The following PCDH15 variants were observed in gnomAD, a reference collection of about 807,000 sequenced individuals.
The protein encoded by PCDH15 is protocadherin-15.
Under a neutral mutation model 178.5 loss-of-function variants are expected in PCDH15, and 129 were observed. The ratio of observed to expected loss-of-function variants is 0.72; its 90% CI spans 0.63 to 0.84. The LOEUF is 0.84. Among genes scored for constraint, PCDH15 ranks in the 40% least tolerant of loss-of-function variants. The pLI, the probability that PCDH15 is intolerant of heterozygous loss-of-function variation, is 0.00. For synonymous variants in PCDH15, 800 were observed against 732.0 expected, an observed-to-expected ratio of 1.09 and a Z score of -1.50; for missense variants, 2,230 against 2,099.9, an observed-to-expected ratio of 1.06 and a Z score of -1.21.
At chr10:55,206,963 G>A (rs924186106) in intron 1 of PCDH15, among the ~76,000 whole-genome samples, 5 of 151,782 alleles carry the variant, frequency 3.3e-5, no homozygotes, top group Non-Finnish European at 5.9e-5. Flanking sequence ...AGAGTTAGTC[G>A]GGTTCAGATC....
chr10:54,122,008 C>CAG (rs1194449683), intron 15 of PCDH15, among the ~76,000 whole-genome samples: 2 of 149,744 alleles, frequency 1.3e-5, no homozygotes, highest in Admixed American at 6.6e-5. Context: ...CACATACACA[C>CAG]ACACACACAC....
chr10:55,182,691 G>T (rs929990352), intron 1 of PCDH15, among the ~76,000 whole-genome samples: 1 of 151,920 alleles, frequency 6.6e-6, no homozygotes. Flanking sequence ...GACATCATTA[G>T]CATGATTACC....
chr10:54,952,708 C>G (rs1158084720), intron 2 of PCDH15, among the ~76,000 whole-genome samples: 4 of 151,636 alleles, frequency 2.6e-5, no homozygotes, highest in African/African-American at 7.3e-5. Context: ...AGGCATTGTA[C>G]ACATTTTGTT....
chr10:55,272,633 C>T (rs1393445062), intron 1 of PCDH15, among the ~76,000 whole-genome samples: 1 of 151,898 alleles, frequency 6.6e-6, no homozygotes, highest in African/African-American at 2.4e-5. Context: ...TCTGCCCGCC[C>T]ACCTCGGCCT....
At chr10:54,398,252 TAA>T (rs950994789) in intron 3 of PCDH15, among the ~76,000 whole-genome samples, 1 of 151,786 alleles carries the variant, frequency 6.6e-6, no homozygotes, top group Non-Finnish European at 1.5e-5. Context: ...TAGTCTTAAT[TAA>T]AAAAACACTA....
At chr10:54,913,427 C>T (rs1012685251) in intron 2 of PCDH15, among the ~76,000 whole-genome samples, 3 of 152,096 alleles carry the variant, frequency 2.0e-5, no homozygotes, top group Non-Finnish European at 2.9e-5. Flanking sequence ...GAGCCTCTGC[C>T]CAAATTTCAC....
intron 2 of PCDH15, among the ~76,000 whole-genome samples, chr10:54,909,798 C>A (rs911130182): frequency 1.2e-4 from 19 of 152,078 alleles, no homozygotes; most frequent in African/African-American, 4.6e-4. Flanking sequence ...CACCTCGGAC[C>A]TGCTCCACTT....
intron 2 of PCDH15, among the ~76,000 whole-genome samples, chr10:55,011,460 G>A (rs1041054323): frequency 7.2e-5 from 11 of 152,008 alleles, no homozygotes; most frequent in Non-Finnish European, 1.0e-4. Flanking sequence ...TTTCTTAAAC[G>A]GAAAACTAAG....
intron 2 of PCDH15, among the ~76,000 whole-genome samples, chr10:55,450,955 C>CTA (rs56986885): frequency 0.13 from 15,884 of 121,894 alleles, 1,069 homozygotes; most frequent in East Asian, 0.23. Context: ...GGGGTAAGAA[C>CTA]TATATATATA....
chr10:55,348,838 T>G (rs905254269), intron 2 of PCDH15, among the ~76,000 whole-genome samples: 1 of 152,144 alleles, frequency 6.6e-6, no homozygotes. Context: ...ATGCTGCATC[T>G]TTGAAGTCCT....
chr10:54,805,792 T>A (rs1952769283), upstream of PCDH15, among the ~76,000 whole-genome samples: 1 of 152,186 alleles, frequency 6.6e-6, no homozygotes, highest in Non-Finnish European at 1.5e-5. Context: ...ACTAATTTCA[T>A]AAAATTATAG....
At chr10:53,841,288 A>G (rs1021276588) in intron 28 of PCDH15, among the ~76,000 whole-genome samples, 1 of 152,072 alleles carries the variant, frequency 6.6e-6, no homozygotes, top group African/African-American at 2.4e-5. Flanking sequence ...GTATTTACAG[A>G]TGTTTAAATT....
At chr10:54,325,379 A>C (rs1467054829) in intron 7 of PCDH15, among the ~76,000 whole-genome samples, 1 of 152,104 alleles carries the variant, frequency 6.6e-6, no homozygotes, top group Non-Finnish European at 1.5e-5. Flanking sequence ...TCATATCTTA[A>C]TTCTCCTTAT....
At chr10:55,439,963 A>G (rs976582303) in intron 2 of PCDH15, among the ~76,000 whole-genome samples, 2 of 152,208 alleles carry the variant, frequency 1.3e-5, no homozygotes, top group Non-Finnish European at 2.9e-5. Flanking sequence ...AAGTGTATAG[A>G]AGAACTGAGA....
chr10:55,492,202 T>C (rs2132129163), intron 2 of PCDH15, among the ~76,000 whole-genome samples: 1 of 151,790 alleles, frequency 6.6e-6, no homozygotes, highest in Middle Eastern at 3.4e-3. Context: ...CTTTTAGTTC[T>C]GGGTTGACCA....
chr10:54,875,112 C>A (rs745753656), intron 3 of PCDH15, among the ~76,000 whole-genome samples: 11 of 152,152 alleles, frequency 7.2e-5, no homozygotes, highest in Non-Finnish European at 1.3e-4. Flanking sequence ...TTTCGAACAG[C>A]ACGTGCTCAT....
chr10:55,426,288 G>A (rs1160143817), intron 2 of PCDH15, among the ~76,000 whole-genome samples: 1 of 152,168 alleles, frequency 6.6e-6, no homozygotes, highest in East Asian at 1.9e-4. Flanking sequence ...CCTCGCAGGA[G>A]GGAGTGCCTG....
chr10:55,584,754 T>C (rs1468961439), intron 2 of PCDH15, among the ~76,000 whole-genome samples: 4 of 151,196 alleles, frequency 2.6e-5, no homozygotes, highest in Admixed American at 6.6e-5. Flanking sequence ...CACATATAGA[T>C]AGATATAAAT....
At chr10:55,342,781 A>G (rs1195877493) in intron 2 of PCDH15, among the ~76,000 whole-genome samples, 1 of 152,160 alleles carries the variant, frequency 6.6e-6, no homozygotes, top group African/African-American at 2.4e-5. Context: ...CTCTGAGAAG[A>G]AATAAGCTGA....
Sources: gnomAD v4.1 joint callset for allele counts (sites outside exome capture counted in the v4.1 genomes callset) on GRCh38, gnomAD v4.1.1 for gene constraint, MANE v1.5 for transcripts, NCBI Gene and HGNC (gene_info 2026-07-23, HGNC 2026-07-21) for gene names.